MCM2: variants seen among roughly 807,000 people sequenced by gnomAD.
The protein encoded by MCM2 is DNA replication licensing factor MCM2.
A neutral mutation model predicts 86.4 loss-of-function variants in MCM2; 49 were observed. That is an observed-to-expected ratio of 0.57 (90% CI 0.45 to 0.72). The LOEUF (loss-of-function observed/expected upper bound fraction) is 0.72, where lower values mean the gene tolerates loss of function less well. MCM2 is among the 30% of genes least tolerant of loss of function. MCM2 has a pLI of 0.00. For missense variants in MCM2, 1,038 were observed against 1,259.9 expected (o/e 0.82, Z 2.67); for synonymous variants, 475 against 484.6 (o/e 0.98, Z 0.26).
In MCM2 at chr3:127,618,356, T is replaced by C. The variant is rs2074449173; in HGVS notation, c.2013+275T>C. Reference sequence around the variant, plus strand: ...TACCCACCTCCCTCACTTCTGCCTCTGACTTGAGGCACTACCATCATCTGA... The same window carrying C: ...TACCCACCTCCCTCACTTCTGCCTCCGACTTGAGGCACTACCATCATCTGA... On this transcript the variant is annotated intron_variant, in intron 12 of 15. Coordinates refer to ENST00000265056, the MANE Select transcript of MCM2 (RefSeq NM_004526.4). This position sits in a 1 kb window ranked among gnomAD's most constrained non-coding sequence, Gnocchi z 4.0. 6.6e-6 allele frequency among the ~76,000 whole-genome samples: 1 copy of C among 152,182 alleles called. No individual in the cohort carries two copies. The highest frequency in any genetic ancestry group is 2.4e-5 in the African/African-American group (1 of 41,446).
At chr3:127,608,557 AG>A in intron 7 of MCM2, 41 bp downstream of exon 7, 1 of 1,611,502 alleles carries the variant, frequency 6.2e-7, no homozygotes, top group Non-Finnish European at 8.5e-7. Flanking sequence ...CAAGTTGCAG[AG>A]GGAACTGGCA....
chr3:127,599,325 C>G lies in MCM2; in HGVS notation c.14C>G (p.Ser5Trp). Residue 5 changes from serine (S) to tryptophan (W), a missense_variant, in exon 2 of 16, where the codon TCG (serine) becomes TGG (tryptophan). Physicochemically the swap from Ser to Trp is radical, Grantham distance 177 (BLOSUM62 -3). This residue lies in a region of MCM2 where 300 missense variants were observed against 307.4 expected (regional missense o/e 0.98). Transcript: ENST00000265056. Reference sequence around the variant, plus strand: ...CCGCACCTTCTCTTGCAGGAATCATCGGAATCCTTCACCATGGCATCCAGC... The same window carrying G: ...CCGCACCTTCTCTTGCAGGAATCATGGGAATCCTTCACCATGGCATCCAGC... MAESSESFTMASSPA... is the reference protein window; with the variant it reads MAESWESFTMASSPA... 1.9e-6 allele frequency: 3 copies of G among 1,613,936 alleles called. No homozygotes were observed. The highest frequency in any genetic ancestry group is 2.5e-6 in the Non-Finnish European group (3 of 1,179,824).
intron 8 of MCM2, chr3:127,610,803 G>T: frequency 4.4e-6 from 2 of 456,676 alleles, no homozygotes; most frequent in Non-Finnish European, 4.4e-6. Flanking sequence ...TGCATCCCTG[G>T]CAGAGGCTGG....
intron 2 of MCM2, 120 bp downstream of exon 2, chr3:127,599,667 A>G (rs1165457379): frequency 1.1e-6 from 1 of 870,748 alleles, no homozygotes; most frequent in East Asian, 2.7e-5. Context: ...GCCTTTGAGC[A>G]CAGCTTGATC....
rs1479626811 is a variant in MCM2 at position 127,606,904 on chromosome 3, CCAG to C, written c.1101+88_1101+90del. 5.3e-6 allele frequency: 7 copies of C among 1,317,304 alleles called. No homozygotes were observed. Among genetic ancestry groups the C allele is most frequent in the Non-Finnish European group, 7.6e-6 (7 of 920,618 alleles). 81.6% of individuals were successfully genotyped at this position (1,317,304 alleles called of 1,614,324 possible). On this transcript the variant is annotated intron_variant, in intron 6 of 15. Transcript: ENST00000265056. The surrounding 1 kb of genome is among the most constrained non-coding windows in gnomAD (Gnocchi z 4.2). Reference sequence around the variant, plus strand: ...GACTGGCCTCTCAGGCTGTGGAAGACCAGTGTGGGCAGCCGCAAGAAGCAAGAT... The same window carrying C: ...GACTGGCCTCTCAGGCTGTGGAAGACTGTGGGCAGCCGCAAGAAGCAAGAT...
At chr3:127,600,054 C>T (rs1402296296) in intron 2 of MCM2, among the ~76,000 whole-genome samples, 2 of 152,154 alleles carry the variant, frequency 1.3e-5, no homozygotes, top group Admixed American at 6.5e-5. Flanking sequence ...CCGAGGTGGG[C>T]GGATCACCTG....
chr3:127,621,655 CCT>C lies in MCM2; in HGVS notation c.2605-7_2605-6del. The C allele has an allele frequency of 6.3e-7, 1 of 1,598,200 alleles. No individual in the cohort carries two copies. The highest frequency in any genetic ancestry group is 8.6e-7 in the Non-Finnish European group (1 of 1,165,820). On this transcript the variant is annotated splice_polypyrimidine_tract_variant and splice_region_variant and intron_variant, in intron 15 of 15. Transcript: ENST00000265056. ...ACTGATGGCTCACTGGACACTTCCT[CCT>C]TGCAGGCTCGTCAGATCAACATCCA... is the stretch of plus-strand genomic sequence containing the variant.
chr3:127,610,929 G>T (rs1478761982), intron 8 of MCM2: 1 of 456,582 alleles, frequency 2.2e-6, no homozygotes, highest in African/African-American at 2.0e-5. Context: ...CTTCAGTTCA[G>T]CCAACACACA....
chr3:127,616,497 C>G (rs1038180603), intron 9 of MCM2, among the ~76,000 whole-genome samples: 10 of 152,228 alleles, frequency 6.6e-5, no homozygotes, highest in East Asian at 1.9e-4. Context: ...CCACCGAGCT[C>G]TCCCGCTCAG....
chr3:127,621,525 A>C (rs992389132), intron 15 of MCM2, 138 bp from the exon 16 acceptor site: 2 of 641,964 alleles, frequency 3.1e-6, no homozygotes, highest in African/African-American at 3.6e-5. Context: ...GAAGCCCCTT[A>C]ATCGGCCTCT....
In MCM2 at chr3:127,618,050, G is replaced by A. The variant is rs757054802; in HGVS notation, c.1982G>A (p.Cys661Tyr). 1 of 1,614,126 alleles carries A rather than the reference G, an allele frequency of 6.2e-7. No homozygotes were observed. Among genetic ancestry groups the A allele is most frequent in the Non-Finnish European group, 8.5e-7 (1 of 1,179,996 alleles). Residue 661 changes from cysteine (C) to tyrosine (Y), a missense_variant, in exon 12 of 16, where the codon TGT (cysteine) becomes TAT (tyrosine). Cys to Tyr is a radical substitution (Grantham distance 194). Transcript: ENST00000265056. The surrounding 1 kb of genome is among the most constrained non-coding windows in gnomAD (Gnocchi z 4.0). ...ATCATCTCACGCTTTGACATCCTGT[G>A]TGTGGTGAGGGACACCGTGGACCCA... ...EPIISRFDIL[C>Y]VVRDTVDPVQ...
chr3:127,609,859 T>C (rs200673824), intron 8 of MCM2, among the ~76,000 whole-genome samples: 12 of 140,710 alleles, frequency 8.5e-5, no homozygotes, highest in East Asian at 4.1e-4. Flanking sequence ...TTTTTTTTTT[T>C]TTTTTGAGAT....
In MCM2 at chr3:127,599,492, G is replaced by A; in HGVS notation, c.181G>A (p.Gly61Arg). The change falls in exon 2 of 16, where the codon GGG becomes AGG. Residue 61 changes from glycine (G) to arginine (R), a missense_variant. Around this residue, in one of 4 missense-constraint regions of MCM2, gnomAD observed 300 missense variants for 307.4 expected, o/e 0.98. Coordinates refer to ENST00000265056, the MANE Select transcript of MCM2 (RefSeq NM_004526.4). ...GTCCGAGGGGCTCCTAGGCACAGAG[G>A]GGCCCCTGGAGGAAGAAGAGGATGG... is the stretch of plus-strand genomic sequence containing the variant. ...DESEGLLGTEGPLEEEEDGEE... is the reference protein window; with the variant it reads ...DESEGLLGTERPLEEEEDGEE... 1 of 1,614,138 alleles carries A rather than the reference G, an allele frequency of 6.2e-7. No individual in the cohort carries two copies. The highest frequency in any genetic ancestry group is 1.7e-5 in the Admixed American group (1 of 60,016).
intron 14 of MCM2, 76 bp downstream of exon 14, chr3:127,620,956 G>A: frequency 6.4e-7 from 1 of 1,568,938 alleles, no homozygotes; most frequent in East Asian, 2.2e-5. Flanking sequence ...CAGGGCTCTG[G>A]CCTGGACGTG....
At chr3:127,614,154 G>A (rs189838700) in intron 8 of MCM2, among the ~76,000 whole-genome samples, 155 of 152,280 alleles carry the variant, frequency 1.0e-3, no homozygotes, top group African/African-American at 3.1e-3. Flanking sequence ...ACAGCCAATC[G>A]AGTGTTCTTA....
intron 13 of MCM2, among the ~76,000 whole-genome samples, chr3:127,619,813 C>T (rs1279998991): frequency 6.6e-6 from 1 of 152,140 alleles, no homozygotes; most frequent in African/African-American, 2.4e-5. Context: ...GGCCCTTTCT[C>T]TACAAAAAAT....
chr3:127,604,533 C>T (rs1395468971), intron 2 of MCM2, 75 bp from the exon 3 acceptor site: 2 of 1,496,526 alleles, frequency 1.3e-6, no homozygotes, highest in Non-Finnish European at 9.1e-7. Flanking sequence ...GGAACAGGCC[C>T]AGTTCCTGGA....
In MCM2 at chr3:127,621,838, T is replaced by G. The variant is rs1315848899; in HGVS notation, c.*65T>G. 5 of 1,229,872 alleles carry G rather than the reference T, an allele frequency of 4.1e-6. No homozygotes were observed. The African/African-American group carries it at 7.5e-5, about 19-fold the overall frequency. The allele number at this position is 1,229,872 out of a possible 1,614,324, so 76.2% of individuals were successfully genotyped here. On this transcript the variant is annotated 3_prime_UTR_variant, in exon 16 of 16. Transcript: ENST00000265056. ...TTGGGGTGGTCAGTGCCCTCTGTGCTTTATGGACACAAAACCAGAGCACTT... is the reference window on the plus strand; with the variant it reads ...TTGGGGTGGTCAGTGCCCTCTGTGCGTTATGGACACAAAACCAGAGCACTT...
chr3:127,609,758 C>A (rs988251926), intron 8 of MCM2, among the ~76,000 whole-genome samples: 2 of 151,840 alleles, frequency 1.3e-5, no homozygotes, highest in African/African-American at 4.8e-5. Context: ...CTCCATCCTG[C>A]CCCCAGAGCA....
Sources: gnomAD v4.1 joint callset for allele counts (sites outside exome capture counted in the v4.1 genomes callset) on GRCh38, gnomAD v4.1.1 for gene constraint, gnomAD v4.1.1 regional missense constraint, Gnocchi (gnomAD v3.1) non-coding constraint, MANE v1.5 for transcripts, NCBI Gene and HGNC (gene_info 2026-07-23, HGNC 2026-07-21) for gene names.